Variants in WIPF1 observed in about 807,000 individuals in gnomAD.
WIPF1 encodes the protein WAS/WASL interacting protein family member 1.
A neutral mutation model predicts 35.4 loss-of-function variants in WIPF1; 13 were observed. The ratio of observed to expected loss-of-function variants is 0.37; its 90% CI spans 0.24 to 0.58. WIPF1 has a LOEUF of 0.58. Among genes scored for constraint, WIPF1 ranks in the 20% least tolerant of loss-of-function variants. The probability of loss-of-function intolerance (pLI) is 0.74; values close to 1 mark genes in which losing one functional copy is unlikely to be tolerated. For synonymous variants in WIPF1, 267 were observed against 266.3 expected (o/e 1.00, Z -0.02); for missense variants, 591 against 667.0 (o/e 0.89, Z 1.25).
At chr2:174,662,540 T>C (rs1427366459) in intron 1 of WIPF1, among the ~76,000 whole-genome samples, 1 of 152,220 alleles carries the variant, frequency 6.6e-6, no homozygotes, top group African/African-American at 2.4e-5. Context: ...ATTACAACTA[T>C]GTCCAACCAA....
chr2:174,629,082 C>A (rs1449771875), intron 1 of WIPF1, among the ~76,000 whole-genome samples: 8 of 152,094 alleles, frequency 5.3e-5, no homozygotes, highest in Non-Finnish European at 1.2e-4. Flanking sequence ...CTTATGGACC[C>A]TTAAAGGAAG....
chr2:174,600,912 CTTTTTTTTTTT>C (rs1157973597), upstream of WIPF1, among the ~76,000 whole-genome samples: 20 of 65,432 alleles, frequency 3.1e-4, no homozygotes, highest in Non-Finnish European at 4.8e-4. Flanking sequence ...CATAATGTTC[CTTTTTTTTTTT>C]TTTTTTTTTT....
intron 1 of WIPF1, among the ~76,000 whole-genome samples, chr2:174,588,751 G>T (rs964733314): frequency 6.6e-6 from 1 of 152,202 alleles, no homozygotes; most frequent in Non-Finnish European, 1.5e-5. Flanking sequence ...CTATTAAAGG[G>T]TCTGAGGTAT....
At chr2:174,672,513 T>TACAC (rs1688040087) in intron 1 of WIPF1, among the ~76,000 whole-genome samples, 1 of 152,262 alleles carries the variant, frequency 6.6e-6, no homozygotes, top group Admixed American at 6.5e-5. Context: ...CTTTATATAT[T>TACAC]ATACATACAC....
At chr2:174,616,425 C>G (rs529935855) in intron 1 of WIPF1, among the ~76,000 whole-genome samples, 1 of 152,080 alleles carries the variant, frequency 6.6e-6, no homozygotes, top group Non-Finnish European at 1.5e-5. Context: ...GGCGTCCCTT[C>G]CTGAAGCCAC....
intron 4 of WIPF1, 139 bp downstream of exon 4, chr2:174,575,065 C>T: frequency 1.0e-6 from 1 of 1,002,492 alleles, no homozygotes; most frequent in Non-Finnish European, 1.5e-6. Flanking sequence ...AATTGAGTCT[C>T]TTATAAAACA....
chr2:174,610,611 A>C (rs934896500), intron 1 of WIPF1, among the ~76,000 whole-genome samples: 22 of 152,218 alleles, frequency 1.4e-4, no homozygotes, highest in African/African-American at 5.1e-4. Flanking sequence ...AAAAACAAAA[A>C]ACACACAAAA....
intron 1 of WIPF1, among the ~76,000 whole-genome samples, chr2:174,678,260 A>C (rs1431511480): frequency 6.6e-6 from 1 of 152,234 alleles, no homozygotes; most frequent in Non-Finnish European, 1.5e-5. Flanking sequence ...AGAAGAAGAA[A>C]AATATATATA....
At chr2:174,633,540 C>T (rs1388189579) in intron 1 of WIPF1, among the ~76,000 whole-genome samples, 2 of 152,208 alleles carry the variant, frequency 1.3e-5, no homozygotes, top group African/African-American at 4.8e-5. Flanking sequence ...CACAGCAGTC[C>T]AATAATGTAG....
chr2:174,674,903 TACACACACACAC>T lies in WIPF1; in HGVS notation c.-39+7859_-39+7870del, dbSNP rs35062209. The stretch of plus-strand genomic sequence containing the variant: ...GCTTCTGTAAGTTGGCAGGTTCAAA[TACACACACACAC>T]ACACACACACACACACACACACACA... On this transcript the variant is annotated intron_variant, in intron 1 of 8. Transcript: ENST00000272746. Among the ~76,000 whole-genome samples the T allele has an allele frequency of 6.4e-4, 86 of 134,014 alleles. 2 individuals carry two copies. The highest frequency in any genetic ancestry group is 2.0e-3 in the African/African-American group (71 of 35,198). 87.9% of individuals were successfully genotyped at this position (134,014 alleles called of 152,430 possible).
intron 1 of WIPF1, among the ~76,000 whole-genome samples, chr2:174,638,210 A>G (rs967677146): frequency 1.3e-5 from 2 of 152,226 alleles, no homozygotes; most frequent in Non-Finnish European, 2.9e-5. Flanking sequence ...CAAGTCCTAA[A>G]TATAGATAAA....
chr2:174,572,184 G>A lies in WIPF1; in HGVS notation c.621C>T (p.Pro207=), dbSNP rs757610387. 2 of 1,613,964 alleles carry A rather than the reference G, an allele frequency of 1.2e-6. No homozygotes were observed. The highest frequency in any genetic ancestry group is 1.1e-5 in the South Asian group (1 of 91,088). Reference sequence around the variant, plus strand: ...CGGGGCTGGGCTGCCTGGGGCCTCCGGGCACTGGTGGGGACCCCCGGTTGT... The same window carrying A: ...CGGGGCTGGGCTGCCTGGGGCCTCCAGGCACTGGTGGGGACCCCCGGTTGT... The part of the protein sequence containing the change: ...SPHNRGSPPV[P]GGPRQPSPGP... The change falls in exon 5 of 8, where the codon CCC becomes CCT. Residue 207 remains proline, a synonymous_variant. Coordinates refer to ENST00000679041, the MANE Select transcript of WIPF1 (RefSeq NM_001375834.1).
At chr2:174,577,354 T>G (rs1306520751) in intron 3 of WIPF1, among the ~76,000 whole-genome samples, 1 of 152,218 alleles carries the variant, frequency 6.6e-6, no homozygotes, top group Non-Finnish European at 1.5e-5. Flanking sequence ...GTAATTACTT[T>G]GATGGGTAAA....
At chr2:174,627,017 C>T (rs1686858233) in intron 1 of WIPF1, among the ~76,000 whole-genome samples, 2 of 152,186 alleles carry the variant, frequency 1.3e-5, no homozygotes, top group African/African-American at 4.8e-5. Context: ...CCATGTTACT[C>T]CTTGAATACT....
intron 3 of WIPF1, among the ~76,000 whole-genome samples, chr2:174,575,752 G>A (rs1161092918): frequency 6.6e-6 from 1 of 152,076 alleles, no homozygotes; most frequent in Non-Finnish European, 1.5e-5. Context: ...TGAGGTGGGA[G>A]GATCGCTTGA....
intron 1 of WIPF1, among the ~76,000 whole-genome samples, chr2:174,631,569 T>C (rs1053899645): frequency 2.6e-5 from 4 of 152,226 alleles, no homozygotes; most frequent in Admixed American, 1.3e-4. Context: ...GCTACTGAAC[T>C]GTATCTTAAT....
intron 1 of WIPF1, among the ~76,000 whole-genome samples, chr2:174,624,364 G>A (rs1686764733): frequency 6.6e-6 from 1 of 152,158 alleles, no homozygotes; most frequent in Non-Finnish European, 1.5e-5. Context: ...TAGGGGCTGG[G>A]CTGACCTCTG....
At position 174,562,441 on chromosome 2, in the gene WIPF1, C is replaced by T; in HGVS notation, c.*106G>A. On this transcript the variant is annotated 3_prime_UTR_variant, in exon 8 of 8. Coordinates refer to ENST00000679041, the MANE Select transcript of WIPF1 (RefSeq NM_001375834.1). Reference sequence around the variant, plus strand: ...CCCACTCCCCCTCCCACCTTTCCTCCTGCCCATACATGAGGCACAAGGGAA... The same window carrying T: ...CCCACTCCCCCTCCCACCTTTCCTCTTGCCCATACATGAGGCACAAGGGAA... 1 of 1,580,402 alleles carries T rather than the reference C, an allele frequency of 6.3e-7. No individual in the cohort carries two copies. Among genetic ancestry groups the T allele is most frequent in the Non-Finnish European group, 8.6e-7 (1 of 1,161,714 alleles).
upstream of WIPF1, among the ~76,000 whole-genome samples, chr2:174,600,156 A>G (rs1685955824): frequency 6.6e-6 from 1 of 152,122 alleles, no homozygotes; most frequent in Admixed American, 6.5e-5. Flanking sequence ...CCTGGTTCCT[A>G]AGGGGCCATA....
Sources: allele counts gnomAD v4.1 joint callset (sites outside exome capture counted in the v4.1 genomes callset), GRCh38; gene constraint gnomAD v4.1.1; transcripts MANE v1.5; gene names NCBI Gene and HGNC (gene_info 2026-07-23, HGNC 2026-07-21).